GRID1: variants seen among roughly 807,000 people sequenced by gnomAD.
The protein encoded by GRID1 is glutamate receptor ionotropic, delta-1.
Under a neutral mutation model 98.0 loss-of-function variants are expected in GRID1, and 28 were observed. The ratio of observed to expected loss-of-function variants is 0.29; its 90% CI spans 0.21 to 0.39. The LOEUF is 0.39. GRID1 is among the 10% of genes least tolerant of loss of function. GRID1 has a pLI of 1.00. For missense variants in GRID1, 1,111 were observed against 1,340.5 expected, an observed-to-expected ratio of 0.83 and a Z score of 2.67; for synonymous variants, 553 against 538.5, an observed-to-expected ratio of 1.03 and a Z score of -0.37.
At chr10:86,342,897 A>G in intron 2 of GRID1, among the ~76,000 whole-genome samples, 1 of 152,240 alleles carries the variant, frequency 6.6e-6, no homozygotes, top group South Asian at 2.1e-4. Context: ...CAGGCTCTTT[A>G]AAGATAAAGA....
rs1481390534 is a variant in GRID1 at position 86,365,542 on chromosome 10, C to A, written c.79+772G>T. Reference sequence around the variant, plus strand: ...CTATCCATCTCTTCCCGCTCAGCATCCCCCTACCCCCCGCTGCCCACGCTT... The same window carrying A: ...CTATCCATCTCTTCCCGCTCAGCATACCCCTACCCCCCGCTGCCCACGCTT... On this transcript the variant is annotated intron_variant, in intron 1 of 15. Transcript: ENST00000327946. The surrounding 1 kb of genome is among the most constrained non-coding windows in gnomAD (Gnocchi z 4.8). 2.0e-5 allele frequency among the ~76,000 whole-genome samples: 3 copies of A among 151,942 alleles called. No individual in the cohort carries two copies. Among genetic ancestry groups the A allele is most frequent in the South Asian group, 4.2e-4 (2 of 4,810 alleles).
chr10:85,659,139 C>T (rs1235437412), intron 12 of GRID1, among the ~76,000 whole-genome samples: 1 of 152,154 alleles, frequency 6.6e-6, no homozygotes, highest in Admixed American at 6.5e-5. Context: ...TTTTAGAATG[C>T]AGAGCTGAGA....
intron 4 of GRID1, among the ~76,000 whole-genome samples, chr10:86,078,594 T>A (rs906195278): frequency 1.3e-5 from 2 of 152,210 alleles, no homozygotes; most frequent in Non-Finnish European, 2.9e-5. Context: ...TGTCTTGTCT[T>A]CCCTGAGCAA....
At chr10:85,638,137 T>C (rs568644846) in intron 13 of GRID1, among the ~76,000 whole-genome samples, 1 of 152,238 alleles carries the variant, frequency 6.6e-6, no homozygotes, top group East Asian at 1.9e-4. Flanking sequence ...GAAGAAAATA[T>C]TTTATGCACA....
chr10:86,211,465 G>C (rs1846106876), intron 2 of GRID1, among the ~76,000 whole-genome samples: 1 of 152,178 alleles, frequency 6.6e-6, no homozygotes, highest in Non-Finnish European at 1.5e-5. Flanking sequence ...CAAAAGAAAG[G>C]GCTACTCAGA....
chr10:86,087,821 G>T (rs1044229446), intron 4 of GRID1, among the ~76,000 whole-genome samples: 1 of 151,750 alleles, frequency 6.6e-6, no homozygotes, highest in African/African-American at 2.4e-5. Flanking sequence ...AGACCCCACC[G>T]TGCAAAGGCA....
intron 13 of GRID1, among the ~76,000 whole-genome samples, chr10:85,629,374 C>A (rs1248330311): frequency 6.6e-6 from 1 of 151,924 alleles, no homozygotes; most frequent in Non-Finnish European, 1.5e-5. Context: ...TCATCCCTTA[C>A]CCCCATCCCA....
At chr10:85,868,699 G>A (rs1341894236) in intron 6 of GRID1, among the ~76,000 whole-genome samples, 1 of 152,130 alleles carries the variant, frequency 6.6e-6, no homozygotes, top group East Asian at 1.9e-4. Context: ...CCTGCCAGAT[G>A]AACACATTCC....
intron 4 of GRID1, among the ~76,000 whole-genome samples, chr10:86,113,483 G>T (rs1844520591): frequency 6.6e-6 from 1 of 152,256 alleles, no homozygotes; most frequent in Non-Finnish European, 1.5e-5. Context: ...AAAAGTCAGA[G>T]TGGTCACATA....
intron 2 of GRID1, among the ~76,000 whole-genome samples, chr10:86,363,672 G>T (rs1324886732): frequency 6.6e-6 from 1 of 152,004 alleles, no homozygotes; most frequent in Non-Finnish European, 1.5e-5. Context: ...GCACACCCGC[G>T]CCCACACAGC....
intron 4 of GRID1, among the ~76,000 whole-genome samples, chr10:85,957,165 G>A (rs150960343): frequency 7.1e-4 from 108 of 152,256 alleles, no homozygotes; most frequent in African/African-American, 2.4e-3. Context: ...CCCCCAACAC[G>A]TGGGGATTAC....
chr10:85,675,521 C>G (rs1366784034), intron 12 of GRID1, among the ~76,000 whole-genome samples: 2 of 152,186 alleles, frequency 1.3e-5, no homozygotes, highest in Non-Finnish European at 2.9e-5. Flanking sequence ...TTCAGTCCTT[C>G]AGACTATGCC....
chr10:86,091,600 C>T (rs1844149551), intron 4 of GRID1, among the ~76,000 whole-genome samples: 1 of 152,010 alleles, frequency 6.6e-6, no homozygotes, highest in African/African-American at 2.4e-5. Flanking sequence ...TTCTAGAGCC[C>T]CGCCTAGCAC....
At chr10:85,632,026 C>T (rs1159346980) in intron 13 of GRID1, among the ~76,000 whole-genome samples, 1 of 151,566 alleles carries the variant, frequency 6.6e-6, no homozygotes, top group Non-Finnish European at 1.5e-5. Context: ...AGAATGTAAG[C>T]TTGACCATGC....
chr10:86,175,173 G>C (rs1010040841), intron 3 of GRID1, among the ~76,000 whole-genome samples: 1 of 152,136 alleles, frequency 6.6e-6, no homozygotes, highest in African/African-American at 2.4e-5. Flanking sequence ...AAGTATATGT[G>C]TTTAGATATA....
intron 6 of GRID1, among the ~76,000 whole-genome samples, chr10:85,860,119 C>T (rs1278802808): frequency 5.3e-5 from 8 of 152,160 alleles, no homozygotes. Flanking sequence ...GAGTCACAGG[C>T]CACAGGTGCA....
chr10:85,967,808 G>T (rs1360092641), intron 4 of GRID1, among the ~76,000 whole-genome samples: 2 of 152,168 alleles, frequency 1.3e-5, no homozygotes, highest in South Asian at 4.1e-4. Context: ...TGAGGAATAA[G>T]ATTGTCATCT....
At chr10:86,088,761 G>A (rs1413076400) in intron 4 of GRID1, among the ~76,000 whole-genome samples, 1 of 152,154 alleles carries the variant, frequency 6.6e-6, no homozygotes, top group African/African-American at 2.4e-5. Context: ...TCAATGAAGA[G>A]AAGAAGGCAG....
intron 2 of GRID1, among the ~76,000 whole-genome samples, chr10:86,276,503 C>CTT (rs547471621): frequency 4.2e-5 from 6 of 142,570 alleles, no homozygotes; most frequent in East Asian, 2.0e-4. Context: ...CTCAATACGA[C>CTT]TTTTTTTTTT....
Sources: gnomAD v4.1 joint callset for allele counts (sites outside exome capture counted in the v4.1 genomes callset) on GRCh38, gnomAD v4.1.1 for gene constraint, Gnocchi (gnomAD v3.1) non-coding constraint, MANE v1.5 for transcripts, NCBI Gene and HGNC (gene_info 2026-07-23, HGNC 2026-07-21) for gene names.